The following TMPRSS12 variants were observed in gnomAD, a reference collection of about 807,000 sequenced individuals.
TMPRSS12 encodes the protein transmembrane serine protease 12, also known as transmembrane protease serine 12.
TMPRSS12 carries 25 observed loss-of-function variants against 26.0 expected under a neutral mutation model. That is an observed-to-expected ratio of 0.96 (90% CI 0.70 to 1.34). TMPRSS12 has a LOEUF of 1.34. Among genes scored for constraint, TMPRSS12 ranks in the 40% most tolerant of loss-of-function variants. The pLI is 0.00. For missense variants in TMPRSS12, 441 were observed against 440.1 expected (o/e 1.00, Z -0.02); for synonymous variants, 150 against 161.7 (o/e 0.93, Z 0.55).
At chr12:50,875,963 G>A (rs1938109355) in intron 3 of TMPRSS12, among the ~76,000 whole-genome samples, 1 of 152,178 alleles carries the variant, frequency 6.6e-6, no homozygotes, top group Non-Finnish European at 1.5e-5. Flanking sequence ...AGAGGAAACA[G>A]ACAACCTACA....
At chr12:50,880,770 A>G (rs547163684) in intron 3 of TMPRSS12, among the ~76,000 whole-genome samples, 7 of 152,188 alleles carry the variant, frequency 4.6e-5, no homozygotes, top group African/African-American at 1.7e-4. Context: ...GATATACAAA[A>G]CATGATATAT....
rs1452414897 is a variant in TMPRSS12, at chr12:50,844,053, A to G, written c.383+16A>G. On this transcript the variant is annotated intron_variant, in intron 2 of 4. Transcript: ENST00000398458. ...AAGACGCTAGGTACGTATTCAGAACACAACTATTTTTATGCTCTTAGGGGA... is the reference window on the plus strand; with the variant it reads ...AAGACGCTAGGTACGTATTCAGAACGCAACTATTTTTATGCTCTTAGGGGA... 1 of 1,507,564 alleles carries G rather than the reference A, an allele frequency of 6.6e-7. No individual in the cohort carries two copies. The highest frequency in any genetic ancestry group is 8.9e-7 in the Non-Finnish European group (1 of 1,129,654). The allele number at this position is 1,507,564 out of a possible 1,614,324, so 93.4% of individuals were successfully genotyped here. A position where few individuals can be genotyped will look rare whatever the true frequency, so the allele number is the denominator to read the frequency against.
intron 2 of TMPRSS12, among the ~76,000 whole-genome samples, chr12:50,844,817 A>G (rs1475962983): frequency 3.9e-5 from 6 of 152,226 alleles, no homozygotes; most frequent in South Asian, 2.1e-4. Flanking sequence ...CTATAATCCA[A>G]TAAAACTTTA....
chr12:50,882,218 T>C (rs1027454109), intron 3 of TMPRSS12, among the ~76,000 whole-genome samples: 9 of 135,486 alleles, frequency 6.6e-5, no homozygotes. Context: ...GGGAGGCCAA[T>C]GTGGGAGAAT....
chr12:50,850,242 C>T (rs540421740), intron 2 of TMPRSS12, among the ~76,000 whole-genome samples: 1 of 152,090 alleles, frequency 6.6e-6, no homozygotes, highest in East Asian at 1.9e-4. Flanking sequence ...ACAACCATTC[C>T]CTTGGTGATA....
rs1449038759 is a variant in TMPRSS12, at chr12:50,887,372, C to A, written c.906C>A (p.Val302=). ...GTGGTCGAAGAGGTTTTCCTGGTGT[C>A]TATATTGGGCCATCCTTCTACCAAA... ...HGCGRRGFPG[V]YIGPSFYQKW... The change falls in exon 5 of 5, where the codon GTC becomes GTA. Residue 302 remains valine (V), a synonymous_variant. Coordinates refer to ENST00000398458, the MANE Select transcript of TMPRSS12 (RefSeq NM_182559.3). The A allele has an allele frequency of 6.2e-7, 1 of 1,613,788 alleles. No individual in the cohort carries two copies. The highest frequency in any genetic ancestry group is 1.3e-5 in the African/African-American group (1 of 74,890).
intron 3 of TMPRSS12, among the ~76,000 whole-genome samples, chr12:50,877,663 C>T (rs572279622): frequency 6.6e-6 from 1 of 152,200 alleles, no homozygotes; most frequent in South Asian, 2.1e-4. Flanking sequence ...TGCAATGGTG[C>T]AATCTCAGCT....
At chr12:50,872,842 C>CTATATATGTACATATATAGACG (rs1938075214) in intron 3 of TMPRSS12, among the ~76,000 whole-genome samples, 1 of 13,138 alleles carries the variant, frequency 7.6e-5, no homozygotes, top group Non-Finnish European at 1.7e-4. Context: ...TATATGACGT[C>CTATATATGTACATATATAGACG]TATATATGTA....
chr12:50,885,443 T>C (rs141292673), intron 4 of TMPRSS12, 55 bp downstream of exon 4: 4 of 1,599,384 alleles, frequency 2.5e-6, no homozygotes, highest in Non-Finnish European at 3.4e-6. Context: ...AGGGAACTTG[T>C]CAAACAAGGC....
At chr12:50,847,322 G>C (rs543455201) in intron 2 of TMPRSS12, among the ~76,000 whole-genome samples, 5 of 152,016 alleles carry the variant, frequency 3.3e-5, no homozygotes, top group African/African-American at 7.2e-5. Flanking sequence ...CTCCCAAAGT[G>C]CTGGGATTAC....
intron 3 of TMPRSS12, among the ~76,000 whole-genome samples, chr12:50,872,354 A>G (rs1480581781): frequency 4.0e-5 from 6 of 150,104 alleles, no homozygotes; most frequent in Non-Finnish European, 5.9e-5. Flanking sequence ...TCTACTAAAA[A>G]TACAAAAAAT....
intron 2 of TMPRSS12, among the ~76,000 whole-genome samples, chr12:50,857,898 G>A (rs1937896233): frequency 6.6e-6 from 1 of 151,730 alleles, no homozygotes; most frequent in African/African-American, 2.4e-5. Flanking sequence ...GCACGATCTC[G>A]GCTCACTGCA....
Position 50,862,542 on chromosome 12 carries a change from T to A in TMPRSS12, c.652+3489T>A, listed in dbSNP as rs1027542415. Among the ~76,000 whole-genome samples the A allele has an allele frequency of 1.1e-4, 17 of 151,310 alleles. No individual in the cohort carries two copies. The East Asian group carries it at 3.2e-3, about 28-fold the overall frequency. On this transcript the variant is annotated intron_variant, in intron 3 of 4. Transcript: ENST00000398458. ...ACCCAGCATATAATTTTTTTTTTTT[T>A]AAAGACAGAGTCTTGCTCTGTCACC...
At chr12:50,882,237 C>A (rs1415344014) in intron 3 of TMPRSS12, among the ~76,000 whole-genome samples, 1 of 132,304 alleles carries the variant, frequency 7.6e-6, no homozygotes, top group Admixed American at 8.3e-5. Context: ...ATTGCTTGGG[C>A]CCAGGAGTTC....
intron 2 of TMPRSS12, 35 bp downstream of exon 2, chr12:50,844,072 TAGGGGATATTTTGA>T: frequency 6.8e-7 from 1 of 1,468,518 alleles, no homozygotes; most frequent in Non-Finnish European, 9.0e-7. Context: ...TTTATGCTCT[TAGGGGATATTTTGA>T]AGTGATAGAG....
chr12:50,843,450 A>G (rs970517639), intron 1 of TMPRSS12, among the ~76,000 whole-genome samples: 1 of 152,216 alleles, frequency 6.6e-6, no homozygotes, highest in African/African-American at 2.4e-5. Flanking sequence ...TGACCATTTC[A>G]TACTATAGTT....
At chr12:50,859,125 T>A in intron 3 of TMPRSS12, 72 bp downstream of exon 3, 3 of 1,330,846 alleles carry the variant, frequency 2.3e-6, no homozygotes, top group Non-Finnish European at 3.0e-6. Context: ...ACCTTTTATA[T>A]ACATTCATGT....
intron 4 of TMPRSS12, 147 bp downstream of exon 4, chr12:50,885,535 T>C (rs1414507459): frequency 1.0e-6 from 1 of 981,140 alleles, no homozygotes; most frequent in Non-Finnish European, 1.6e-6. Context: ...ATTTCAACAA[T>C]CCAAATCTTC....
At chr12:50,872,929 T>TGTATATATGTACATATATGAC (rs1565936137) in intron 3 of TMPRSS12, among the ~76,000 whole-genome samples, 1 of 74,836 alleles carries the variant, frequency 1.3e-5, no homozygotes, top group African/African-American at 5.1e-5. Flanking sequence ...ACATATATGA[T>TGTATATATGTACATATATGAC]GTATATATGT....
Sources: gnomAD v4.1 joint callset for allele counts (sites outside exome capture counted in the v4.1 genomes callset) on GRCh38, gnomAD v4.1.1 for gene constraint, MANE v1.5 for transcripts, NCBI Gene and HGNC (gene_info 2026-07-23, HGNC 2026-07-21) for gene names.